The following ARID1B variants were observed in gnomAD, a reference collection of about 807,000 sequenced individuals.
ARID1B encodes the protein AT-rich interaction domain 1B.
ARID1B carries 30 observed loss-of-function variants against 212.3 expected under a neutral mutation model. The ratio of observed to expected loss-of-function variants is 0.14; its 90% CI spans 0.11 to 0.19. ARID1B has a LOEUF of 0.19. Ranked by LOEUF, ARID1B falls within the 10% of genes least tolerant of loss-of-function variation. The pLI, the probability that ARID1B is intolerant of heterozygous loss-of-function variation, is 1.00. For synonymous variants in ARID1B, 1,402 were observed against 1,301.7 expected, an observed-to-expected ratio of 1.08 and a Z score of -1.66; for missense variants, 2,891 against 3,204.0, an observed-to-expected ratio of 0.90 and a Z score of 2.36.
At chr6:156,942,161 A>T (rs1474987195) in intron 4 of ARID1B, 1 of 152,124 alleles carries the variant, frequency 6.6e-6, no homozygotes, top group Non-Finnish European at 1.5e-5. Context: ...GGAGTACTAT[A>T]AAAAAATAGA....
At chr6:156,845,580 A>G (rs1030695833) in intron 2 of ARID1B, among the ~76,000 whole-genome samples, 2 of 152,082 alleles carry the variant, frequency 1.3e-5, no homozygotes, top group East Asian at 1.9e-4. Context: ...AGCTTCTAGC[A>G]TGTCTGTTGA....
intron 2 of ARID1B, among the ~76,000 whole-genome samples, chr6:156,830,575 CATT>C (rs1254060914): frequency 2.0e-5 from 3 of 151,938 alleles, no homozygotes; most frequent in East Asian, 1.9e-4. Context: ...TTATTTGTTT[CATT>C]ATTATTGTTA....
Position 156,778,166 on chromosome 6 carries a change from G to A in ARID1B, c.486G>A (p.Pro162=). ...CCGTTGGCGAAGCCCCCGCCGCGCC[G>A]CCCCACCAGCAGCACCACCACCACC... ...LKTVGEAPAA[P]PHQQHHHHHH... is the part of the protein sequence containing the mutation. Residue 162 remains proline, a synonymous_variant, in exon 1 of 20, where the codon CCG becomes CCA. Transcript: ENST00000636930. The A allele has an allele frequency of 1.3e-6, 2 of 1,541,390 alleles. No individual in the cohort carries two copies. The highest frequency in any genetic ancestry group is 2.5e-5 in the East Asian group (1 of 40,750).
chr6:156,983,854 G>A (rs1005308061), intron 4 of ARID1B, among the ~76,000 whole-genome samples: 13 of 152,032 alleles, frequency 8.6e-5, no homozygotes, highest in Non-Finnish European at 1.8e-4. Flanking sequence ...AGCTGTTCAG[G>A]TTATACCAGC....
intron 2 of ARID1B, among the ~76,000 whole-genome samples, chr6:156,885,302 A>G (rs534495796): frequency 5.3e-5 from 8 of 152,236 alleles, no homozygotes; most frequent in Non-Finnish European, 1.2e-4. Flanking sequence ...AGAATGGACA[A>G]TCAGAATACA....
chr6:157,073,181 C>G (rs560605570), intron 4 of ARID1B, among the ~76,000 whole-genome samples: 1 of 150,236 alleles, frequency 6.7e-6, no homozygotes, highest in Admixed American at 6.6e-5. Context: ...CGGCTCACTG[C>G]AACCTCCGCC....
chr6:157,038,977 C>T (rs1320638806), intron 4 of ARID1B, among the ~76,000 whole-genome samples: 3 of 151,944 alleles, frequency 2.0e-5, no homozygotes, highest in Non-Finnish European at 1.5e-5. Context: ...GATCATGGCT[C>T]ATTGCAGCCT....
chr6:156,917,579 G>A (rs974024374), intron 3 of ARID1B, among the ~76,000 whole-genome samples: 2 of 152,182 alleles, frequency 1.3e-5, no homozygotes, highest in African/African-American at 4.8e-5. Context: ...CCTGGGATAG[G>A]GCCAGTTCCT....
At chr6:156,884,845 A>G (rs1661732264) in intron 2 of ARID1B, among the ~76,000 whole-genome samples, 2 of 152,180 alleles carry the variant, frequency 1.3e-5, no homozygotes, top group Admixed American at 1.3e-4. Context: ...TGGTCAGAAA[A>G]TATTATCATT....
intron 4 of ARID1B, chr6:157,023,635 T>C (rs1434216000): frequency 6.6e-6 from 1 of 152,220 alleles, no homozygotes; most frequent in Non-Finnish European, 1.5e-5. Context: ...CAGTCACTAT[T>C]TTATGTTATT....
In ARID1B at chr6:157,209,826, A is replaced by G. The variant is rs989287939; in HGVS notation, c.*1935A>G. On this transcript the variant is annotated 3_prime_UTR_variant, in exon 20 of 20. Transcript: ENST00000636930. ...CTACCTGGTGCACAGTAGCTTTTTA[A>G]TACTAGTCACTTCTAATTTAAACTT... 1 of 233,144 alleles carries G rather than the reference A, an allele frequency of 4.3e-6. No homozygotes were observed. Among genetic ancestry groups the G allele is most frequent in the African/African-American group, 2.2e-5 (1 of 45,344 alleles). 14.4% of individuals were successfully genotyped at this position (233,144 alleles called of 1,614,324 possible).
chr6:156,998,377 T>C (rs568600212), intron 4 of ARID1B, among the ~76,000 whole-genome samples: 4 of 152,186 alleles, frequency 2.6e-5, no homozygotes, highest in Non-Finnish European at 4.4e-5. Flanking sequence ...TGTGCCACCA[T>C]GCCCGGCTAA....
chr6:156,829,629 T>G, intron 2 of ARID1B: 1 of 554,828 alleles, frequency 1.8e-6, no homozygotes, highest in Non-Finnish European at 3.0e-6. Flanking sequence ...AGAATACCTG[T>G]TTGGTAGAAG....
chr6:156,887,047 C>T (rs1787563654), intron 2 of ARID1B, among the ~76,000 whole-genome samples: 1 of 152,216 alleles, frequency 6.6e-6, no homozygotes, highest in African/African-American at 2.4e-5. Flanking sequence ...GTGGTAGCAG[C>T]ATCTTCGAAT....
intron 2 of ARID1B, among the ~76,000 whole-genome samples, chr6:156,880,775 G>GAAAAA (rs66501584): frequency 8.7e-6 from 1 of 114,380 alleles, no homozygotes; most frequent in Middle Eastern, 4.3e-3. Context: ...GAAAAGAAAA[G>GAAAAA]AAAAACACAC....
At position 157,190,615 on chromosome 6, in the gene ARID1B, G is replaced by A. The variant is rs768387044; in HGVS notation, c.4231+405G>A. ...CGCGGTAAGTAAGCACGCACTTCAC[G>A]GCACTTGGCATGGTGGTGTGCTAGT... On this transcript the variant is annotated intron_variant, in intron 15 of 19. Coordinates refer to ENST00000636930, the MANE Select transcript of ARID1B (RefSeq NM_001374828.1). This position sits in a 1 kb window ranked among gnomAD's most constrained non-coding sequence, Gnocchi z 4.6. Among the ~76,000 whole-genome samples the A allele has an allele frequency of 2.6e-5, 4 of 152,226 alleles. No individual in the cohort carries two copies. Among genetic ancestry groups the A allele is most frequent in the Admixed American group, 6.5e-5 (1 of 15,292 alleles).
At chr6:156,924,349 T>G (rs1019637364) in intron 3 of ARID1B, among the ~76,000 whole-genome samples, 1 of 152,254 alleles carries the variant, frequency 6.6e-6, no homozygotes, top group African/African-American at 2.4e-5. Flanking sequence ...TTTTCTTTGC[T>G]TATTAAGTCA....
chr6:156,894,291 G>C (rs1329042067), intron 2 of ARID1B, among the ~76,000 whole-genome samples: 2 of 144,672 alleles, frequency 1.4e-5, no homozygotes, highest in Non-Finnish European at 3.1e-5. Context: ...GGGGCCGGGG[G>C]GTTGGGATGG....
chr6:156,784,206 C>A (rs903880648), intron 1 of ARID1B, among the ~76,000 whole-genome samples: 2 of 151,846 alleles, frequency 1.3e-5, no homozygotes. Flanking sequence ...GAGGTTTTTG[C>A]AGGTTCTCTG....
Sources: gnomAD v4.1 joint callset for allele counts (sites outside exome capture counted in the v4.1 genomes callset) on GRCh38, gnomAD v4.1.1 for gene constraint, Gnocchi (gnomAD v3.1) non-coding constraint, MANE v1.5 for transcripts, NCBI Gene and HGNC (gene_info 2026-07-23, HGNC 2026-07-21) for gene names.